ARHGEF38: variants seen among roughly 807,000 people sequenced by gnomAD.
ARHGEF38 encodes the protein Rho guanine nucleotide exchange factor 38, also known as Rho guanine nucleotide exchange factor (GEF) 38.
A neutral mutation model predicts 79.9 loss-of-function variants in ARHGEF38; 79 were observed. That is an observed-to-expected ratio of 0.99 (90% CI 0.82 to 1.19). ARHGEF38 has a LOEUF of 1.19. Among genes scored for constraint, ARHGEF38 ranks in the 50% most tolerant of loss-of-function variants. The probability of loss-of-function intolerance (pLI) is 0.00; values close to 1 mark genes in which losing one functional copy is unlikely to be tolerated. For missense variants in ARHGEF38, 962 were observed against 907.2 expected (o/e 1.06, Z -0.78); for synonymous variants, 366 against 328.3 (o/e 1.11, Z -1.24).
Position 105,589,196 on chromosome 4 carries a change from GA to G in ARHGEF38, c.197-47del. ...TTCGAAGGCGTTGTTTGTAATGAAG[GA>G]AAAAGAAACCTCAGCAGAATGCCTC... On this transcript the variant is annotated intron_variant, in intron 1 of 13. Transcript: ENST00000420470. The G allele has an allele frequency of 2.0e-6, 3 of 1,487,070 alleles. No individual in the cohort carries two copies. The Admixed American group carries it at 6.5e-5, about 32-fold the overall frequency. 92.1% of individuals were successfully genotyped at this position (1,487,070 alleles called of 1,614,324 possible).
rs137882337 is a variant in ARHGEF38, at chr4:105,585,143, T to C, written c.197-4105T>C. Among the ~76,000 whole-genome samples the C allele has an allele frequency of 2.0e-5, 3 of 148,760 alleles. No individual in the cohort carries two copies. In the East Asian group the frequency reaches 6.1e-4, roughly 30 times the overall value. On this transcript the variant is annotated intron_variant, in intron 1 of 13. Transcript: ENST00000420470. Reference sequence around the variant, plus strand: ...TTGTTTGCTCTAGATGGTGGAAGAGTTTGAGACTGTAGAGAAAGTAACCCT... The same window carrying C: ...TTGTTTGCTCTAGATGGTGGAAGAGCTTGAGACTGTAGAGAAAGTAACCCT...
chr4:105,605,213 A>G (rs1305122032), intron 2 of ARHGEF38, among the ~76,000 whole-genome samples: 6 of 152,162 alleles, frequency 3.9e-5, no homozygotes, highest in South Asian at 2.1e-4. Context: ...CCTTTTACTC[A>G]AGGATACCAA....
intron 1 of ARHGEF38, among the ~76,000 whole-genome samples, chr4:105,582,544 G>A (rs967678346): frequency 6.6e-6 from 1 of 151,960 alleles, no homozygotes; most frequent in East Asian, 1.9e-4. Context: ...AAACAAATGA[G>A]TCCTAACATT....
chr4:105,556,669 A>G (rs1401704715), intron 1 of ARHGEF38, among the ~76,000 whole-genome samples: 4 of 152,114 alleles, frequency 2.6e-5, no homozygotes, highest in African/African-American at 9.7e-5. Flanking sequence ...AAGAAACCCT[A>G]TCTGTCTTGT....
chr4:105,596,086 A>G (rs1392825165), intron 2 of ARHGEF38, among the ~76,000 whole-genome samples: 2 of 152,192 alleles, frequency 1.3e-5, no homozygotes, highest in East Asian at 3.8e-4. Flanking sequence ...AGAGTCCTTG[A>G]ATGTAAAATG....
At chr4:105,642,250 T>A (rs1447099) in intron 5 of ARHGEF38, among the ~76,000 whole-genome samples, 52,272 of 152,052 alleles carry the variant, frequency 0.34, 12,853 homozygotes, top group African/African-American at 0.69. Context: ...CGATGCAGTT[T>A]TCTGAATATC....
chr4:105,679,459 C>G lies in ARHGEF38; in HGVS notation c.*1522C>G, dbSNP rs1731236998. On this transcript the variant is annotated 3_prime_UTR_variant, in exon 14 of 14. Transcript: ENST00000420470. The stretch of plus-strand genomic sequence containing the variant: ...ACATCCTGTATTTCCTCTAGGCTTT[C>G]CAGAGTCATGGTCACAAACCCCTTA... 3 of 1,590,656 alleles carry G rather than the reference C, an allele frequency of 1.9e-6. No individual in the cohort carries two copies. In the South Asian group the frequency reaches 3.3e-5, roughly 18 times the overall value.
intron 3 of ARHGEF38, among the ~76,000 whole-genome samples, chr4:105,619,652 A>G (rs1035205153): frequency 6.6e-6 from 1 of 152,098 alleles, no homozygotes; most frequent in South Asian, 2.1e-4. Context: ...TTGGGTGCAA[A>G]AGGCTTTCTA....
At chr4:105,608,813 G>A (rs1489126033) in intron 2 of ARHGEF38, among the ~76,000 whole-genome samples, 1 of 151,700 alleles carries the variant, frequency 6.6e-6, no homozygotes, top group African/African-American at 2.4e-5. Context: ...CATCTCTCAG[G>A]TATTAAGCCT....
intron 9 of ARHGEF38, among the ~76,000 whole-genome samples, chr4:105,657,271 C>T (rs549992643): frequency 6.6e-6 from 1 of 152,254 alleles, no homozygotes; most frequent in South Asian, 2.1e-4. Context: ...AGCAAGCATG[C>T]TCCAGACTTT....
At position 105,645,383 on chromosome 4, in the gene ARHGEF38, T is replaced by C. The variant is rs1189811141; in HGVS notation, c.870T>C (p.Asp290=). ...VNINELKRRK[D]LVLKYKKNDE... ...TCAATGAACTTAAAAGAAGGAAAGA[T>C]TTAGGTAGGAAGAGACATGATGAAT... Residue 290 remains aspartate, a synonymous_variant, in exon 6 of 14, where the codon GAT becomes GAC. Transcript: ENST00000420470. 2 of 1,523,008 alleles carry C rather than the reference T, an allele frequency of 1.3e-6. No homozygotes were observed. Among genetic ancestry groups the C allele is most frequent in the Non-Finnish European group, 8.8e-7 (1 of 1,141,970 alleles). 94.3% of individuals were successfully genotyped at this position (1,523,008 alleles called of 1,614,324 possible).
chr4:105,654,057 T>C lies in ARHGEF38; in HGVS notation c.1009-8T>C, dbSNP rs1224912347. ...TGAGTTATGAAAATAATTTCATATATATTTTAGGTTAAAGACAATACCTTT... is the reference window on the plus strand; with the variant it reads ...TGAGTTATGAAAATAATTTCATATACATTTTAGGTTAAAGACAATACCTTT... On this transcript the variant is annotated splice_polypyrimidine_tract_variant and splice_region_variant and intron_variant, in intron 7 of 13. Coordinates refer to ENST00000420470, the MANE Select transcript of ARHGEF38 (RefSeq NM_001242729.2). 2 of 1,382,848 alleles carry C rather than the reference T, an allele frequency of 1.4e-6. No individual in the cohort carries two copies. The highest frequency in any genetic ancestry group is 2.3e-5 in the Admixed American group (1 of 43,164). 85.7% of individuals were successfully genotyped at this position (1,382,848 alleles called of 1,614,324 possible).
At chr4:105,576,333 T>C (rs1049343893) in intron 1 of ARHGEF38, among the ~76,000 whole-genome samples, 3 of 152,174 alleles carry the variant, frequency 2.0e-5, no homozygotes, top group Non-Finnish European at 4.4e-5. Context: ...TCAGCAGTGT[T>C]TTGTAGTTCT....
At chr4:105,681,684 C>A (rs139446178), downstream of ARHGEF38, among the ~76,000 whole-genome samples, 1 of 152,102 alleles carries the variant, frequency 6.6e-6, no homozygotes, top group Non-Finnish European at 1.5e-5. Flanking sequence ...TTGCAATGCT[C>A]GGCTTATAGA....
chr4:105,572,437 G>A (rs894141193), intron 1 of ARHGEF38, among the ~76,000 whole-genome samples: 6 of 152,024 alleles, frequency 3.9e-5, no homozygotes, highest in South Asian at 2.1e-4. Context: ...GTACAGTTCC[G>A]TGGCATTAAA....
chr4:105,554,957 G>C (rs1006820292), intron 1 of ARHGEF38, among the ~76,000 whole-genome samples: 1 of 151,994 alleles, frequency 6.6e-6, no homozygotes, highest in African/African-American at 2.4e-5. Context: ...TTTTCTGTCT[G>C]AGTTTCACTA....
intron 6 of ARHGEF38, among the ~76,000 whole-genome samples, chr4:105,646,846 G>C (rs1366413603): frequency 6.6e-6 from 1 of 151,218 alleles, no homozygotes; most frequent in Non-Finnish European, 1.5e-5. Flanking sequence ...TTTTTTTAAA[G>C]TAAATTTGCA....
At chr4:105,599,593 A>G (rs1463297844) in intron 2 of ARHGEF38, among the ~76,000 whole-genome samples, 1 of 152,062 alleles carries the variant, frequency 6.6e-6, no homozygotes, top group African/African-American at 2.4e-5. Flanking sequence ...AGCGGCTGTG[A>G]TTATTATAAT....
At chr4:105,672,335 G>T (rs564914927) in intron 13 of ARHGEF38, among the ~76,000 whole-genome samples, 5 of 152,126 alleles carry the variant, frequency 3.3e-5, no homozygotes, top group African/African-American at 7.2e-5. Context: ...TCTACCTCAA[G>T]TAAGAAGAGA....
Sources: allele counts gnomAD v4.1 joint callset (sites outside exome capture counted in the v4.1 genomes callset), GRCh38; gene constraint gnomAD v4.1.1; transcripts MANE v1.5; gene names NCBI Gene and HGNC (gene_info 2026-07-23, HGNC 2026-07-21).